The following MUC6 variants were observed in gnomAD, a reference collection of about 807,000 sequenced individuals.
MUC6 encodes mucin-6.
A neutral mutation model predicts 201.5 loss-of-function variants in MUC6; 188 were observed. That is an observed-to-expected ratio of 0.93 (90% CI 0.83 to 1.05). MUC6 has a LOEUF of 1.05. MUC6 is among the 50% of genes least tolerant of loss of function. MUC6 has a pLI of 0.00. For missense variants in MUC6, 2,706 were observed against 3,256.9 expected, an observed-to-expected ratio of 0.83 and a Z score of 4.12; for synonymous variants, 1,228 against 1,389.4, an observed-to-expected ratio of 0.88 and a Z score of 2.58.
rs569718431 is a variant in MUC6 at position 1,036,290 on chromosome 11, T to C, written c.52+314A>G. On this transcript the variant is annotated intron_variant, in intron 1 of 32. Coordinates refer to ENST00000421673, the MANE Select transcript of MUC6 (RefSeq NM_005961.3). ...GCTGGGCACCAGCACACCTGCCCAC[T>C]GTTCCCGCGGGAGTGCCGGACCCCA... is the stretch of plus-strand genomic sequence containing the variant. 7.2e-5 allele frequency among the ~76,000 whole-genome samples: 11 copies of C among 152,270 alleles called. No individual in the cohort carries two copies. The South Asian group carries it at 2.1e-3, about 29-fold the overall frequency.
rs544746862 is a variant in MUC6 at position 1,027,970 on chromosome 11, A to G, written c.1843T>C (p.Tyr615His). The G allele has an allele frequency of 3.6e-5, 57 of 1,574,452 alleles. No homozygotes were observed. Among genetic ancestry groups the G allele is most frequent in the African/African-American group, 1.5e-4 (11 of 73,964 alleles). ...CHATVNPAPF[Y>H]KRCVYQACNY... is the part of the protein sequence containing the mutation. ...AGACGCCCTCGGGCCCTCACCTTGT[A>G]GAAGGGTGCAGGGTTCACTGTGGCG... Residue 615 changes from tyrosine to histidine, a missense_variant, in exon 15 of 33, where the codon TAC becomes CAC. By Grantham distance (83) the Tyr-to-His change is moderately conservative. Transcript: ENST00000421673.
At chr11:1,028,181 G>A in intron 14 of MUC6, 45 bp downstream of exon 14, 1 of 1,541,298 alleles carries the variant, frequency 6.5e-7, no homozygotes, top group Non-Finnish European at 8.8e-7. Context: ...TCAGAACTGT[G>A]GGCGCTGGGG....
Position 1,021,249 on chromosome 11 carries a change from G to T in MUC6, c.3555C>A (p.Tyr1185Ter). 1.3e-6 allele frequency: 2 copies of T among 1,589,858 alleles called. 1 individual carries two copies. Among genetic ancestry groups the T allele is most frequent in the South Asian group, 2.3e-5 (2 of 87,574 alleles). ...CGCACACCCCCTCCTCGTGGTCGAA[G>T]TACTCATCCTGGGAGCAGTTGTAGC... ...EGCYNCSQDE[Y>*]FDHEEGVCVP... The change falls in exon 27 of 33, where the codon TAC (tyrosine) becomes TAA (stop). Residue 1185 changes from tyrosine (Y) to a stop codon, truncating the protein, a stop_gained. Coordinates refer to ENST00000421673, the MANE Select transcript of MUC6 (RefSeq NM_005961.3). LOFTEE classifies it high-confidence loss of function.
intron 26 of MUC6, 73 bp from the exon 27 acceptor site, chr11:1,021,350 C>A: frequency 1.3e-6 from 1 of 743,098 alleles, no homozygotes; most frequent in Non-Finnish European, 2.0e-6. Flanking sequence ...CCTGCCCTGG[C>A]GGCCTCCTTC....
In MUC6 at chr11:1,027,036, G is replaced by A. The variant is rs1257650310; in HGVS notation, c.2299C>T (p.Pro767Ser). The change falls in exon 19 of 33, where the codon CCT becomes TCT. Residue 767 changes from proline to serine, a missense_variant. Physicochemically the swap from Pro to Ser is moderately conservative, Grantham distance 74. This residue lies in a region of MUC6 where 1,850 missense variants were observed against 1,958.3 expected (regional missense o/e 0.94). Transcript: ENST00000421673. ...TGGCTGCAGGACTTGAAGGTCTTAGGGGCCTGGCAGGAGGCTGCAGGAAAG... is the reference window on the plus strand; with the variant it reads ...TGGCTGCAGGACTTGAAGGTCTTAGAGGCCTGGCAGGAGGCTGCAGGAAAG... ...PQMFLASCQA[P>S]KTFKSCSQSS... 1 of 1,602,874 alleles carries A rather than the reference G, an allele frequency of 6.2e-7. No individual in the cohort carries two copies. The highest frequency in any genetic ancestry group is 8.5e-7 in the Non-Finnish European group (1 of 1,175,504).
In MUC6 at chr11:1,023,946, C is replaced by T. The variant is rs1307242198; in HGVS notation, c.3382+1G>A. On this transcript the variant is annotated splice_donor_variant, in intron 25 of 32. Transcript: ENST00000421673. LOFTEE classifies it high-confidence loss of function. Reference sequence around the variant, plus strand: ...AACCTGTGGGAGGGGTGGTCACTCACGGCAGAAGGCCGGGGTCCTCCAGTC... The same window carrying T: ...AACCTGTGGGAGGGGTGGTCACTCATGGCAGAAGGCCGGGGTCCTCCAGTC... 79 of 1,611,546 alleles carry T rather than the reference C, an allele frequency of 4.9e-5. No individual in the cohort carries two copies. Among genetic ancestry groups the T allele is most frequent in the Non-Finnish European group, 6.4e-5 (76 of 1,179,274 alleles).
At position 1,027,504 on chromosome 11, in the gene MUC6, C is replaced by T. The variant is rs200203394; in HGVS notation, c.1995G>A (p.Thr665=). The T allele has an allele frequency of 4.0e-5, 64 of 1,612,266 alleles. No homozygotes were observed. Among genetic ancestry groups the T allele is most frequent in the South Asian group, 1.5e-4 (14 of 91,046 alleles). ...SSVDNCTIPC[T]GNTTFSYNSQ... Reference sequence around the variant, plus strand: ...TGTTGTAGCTGAAGGTGGTGTTACCCGTGCAGGGGATGGCTGTGGGGGACC... The same window carrying T: ...TGTTGTAGCTGAAGGTGGTGTTACCTGTGCAGGGGATGGCTGTGGGGGACC... The change falls in exon 17 of 33, where the codon ACG becomes ACA. Residue 665 remains threonine (T), a synonymous_variant. Transcript: ENST00000421673.
Position 1,028,702 on chromosome 11 carries a change from C to T in MUC6, c.1535G>A (p.Arg512His), listed in dbSNP as rs748763819. 35 of 1,611,350 alleles carry T rather than the reference C, an allele frequency of 2.2e-5. No individual in the cohort carries two copies. The Middle Eastern group carries it at 6.6e-4, about 30-fold the overall frequency. The change falls in exon 13 of 33, where the codon CGC becomes CAC. Residue 512 changes from arginine (R) to histidine (H), a missense_variant. Coordinates refer to ENST00000421673, the MANE Select transcript of MUC6 (RefSeq NM_005961.3). Reference protein sequence around the residue: ...SFGLELVVQLRPIFQAYVTVG... With the variant: ...SFGLELVVQLHPIFQAYVTVG... Reference sequence around the variant, plus strand: ...AGTGACATAGGCCTGGAAGATGGGGCGCAGCTGGACCACGAGCTCCAGCCC... The same window carrying T: ...AGTGACATAGGCCTGGAAGATGGGGTGCAGCTGGACCACGAGCTCCAGCCC...
In MUC6 at chr11:1,018,647, G is replaced by T; in HGVS notation, c.4154C>A (p.Ala1385Asp). 6.2e-7 allele frequency: 1 copy of T among 1,613,524 alleles called. No individual in the cohort carries two copies. Among genetic ancestry groups the T allele is most frequent in the Non-Finnish European group, 8.5e-7 (1 of 1,179,698 alleles). ...PQPGQPTRPT[A>D]TETTQTRTTT... ...CGTTCTTGTTTGAGTGGTCTCTGTG[G>T]CTGTGGGCCTCGTGGGTTGTCCTGG... The change falls in exon 31 of 33, where the codon GCC (alanine) becomes GAC (aspartate). Residue 1385 changes from alanine (A) to aspartate (D), a missense_variant. By Grantham distance (126) the Ala-to-Asp change is moderately radical. Coordinates refer to ENST00000421673, the MANE Select transcript of MUC6 (RefSeq NM_005961.3).
Position 1,024,067 on chromosome 11 carries a change from C to T in MUC6, c.3262G>A (p.Asp1088Asn), listed in dbSNP as rs752942783. ...HLPYYEACVR[D>N]ACGCDSGGDC... Reference sequence around the variant, plus strand: ...CCGCCACTGTCACACCCACATGCGTCGCGCACGCAGGCCTCGTAGTAGGGC... The same window carrying T: ...CCGCCACTGTCACACCCACATGCGTTGCGCACGCAGGCCTCGTAGTAGGGC... The change falls in exon 25 of 33, where the codon GAC becomes AAC. Residue 1088 changes from aspartate (D) to asparagine (N), a missense_variant. Transcript: ENST00000421673. The T allele has an allele frequency of 9.3e-6, 15 of 1,612,976 alleles. No homozygotes were observed. The highest frequency in any genetic ancestry group is 4.5e-5 in the East Asian group (2 of 44,898).
intron 1 of MUC6, among the ~76,000 whole-genome samples, chr11:1,034,115 G>T (rs553916508): frequency 6.6e-6 from 1 of 152,348 alleles, no homozygotes; most frequent in Non-Finnish European, 1.5e-5. Flanking sequence ...CTGGGAGATG[G>T]TGTTAACCGC....
In MUC6 at chr11:1,013,465, A is replaced by T. The variant is rs1856524627; in HGVS notation, c.7311T>A (p.Cys2437Ter). The change falls in exon 33 of 33, where the codon TGT (cysteine) becomes TGA (stop). Residue 2437 changes from cysteine to a stop codon, truncating the protein, a stop_gained. Coordinates refer to ENST00000421673, the MANE Select transcript of MUC6 (RefSeq NM_005961.3). LOFTEE classifies it high-confidence loss of function. ...GCAGGCAGCGACCCTGCTAGTCTCC[A>T]CAGGCCACAGAGCTGCACACGCAGT... ...FSHCVCSSVACGD is the reference protein window; with the variant it reads ...FSHCVCSSVA The T allele has an allele frequency of 6.3e-7, 1 of 1,580,988 alleles. No homozygotes were observed. Among genetic ancestry groups the T allele is most frequent in the Admixed American group, 1.8e-5 (1 of 55,498 alleles).
At chr11:1,027,221 C>T (rs10902271) in intron 17 of MUC6, 28 bp from the exon 18 acceptor site, 272,751 of 1,612,088 alleles carry the variant, frequency 0.17, 25,255 homozygotes, top group Non-Finnish European at 0.19. Context: ...CGTGAGACCC[C>T]GGGACCTGGC....
Position 1,018,697 on chromosome 11 carries a change from G to A in MUC6, c.4104C>T (p.Ser1368=), listed in dbSNP as rs1856741106. The change falls in exon 31 of 33, where the codon AGC becomes AGT. Residue 1368 remains serine, a synonymous_variant. Transcript: ENST00000421673. ...GCTGTGGGGTGGTTGGGCCTGTGGTGCTTGCTGGGGTTGGACGTGGGCCTG... is the reference window on the plus strand; with the variant it reads ...GCTGTGGGGTGGTTGGGCCTGTGGTACTTGCTGGGGTTGGACGTGGGCCTG... The part of the protein sequence containing the change: ...QTTGPRPTPA[S]TTGPTTPQPG... 1 of 1,608,476 alleles carries A rather than the reference G, an allele frequency of 6.2e-7. No individual in the cohort carries two copies. Among genetic ancestry groups the A allele is most frequent in the Non-Finnish European group, 8.5e-7 (1 of 1,177,760 alleles).
rs202055257 is a variant in MUC6 at position 1,013,601 on chromosome 11, C to T, written c.7175G>A (p.Arg2392His). The T allele has an allele frequency of 1.4e-3, 2,138 of 1,566,078 alleles. 2 individuals are homozygous for T. The highest frequency in any genetic ancestry group is 1.7e-3 in the Non-Finnish European group (1,993 of 1,156,976). Reference sequence around the variant, plus strand: ...GTGGAGGGGGCGGCAGCAGCTGCAGCGGGCATCCACCTGCTGGGTGATGAT... The same window carrying T: ...GTGGAGGGGGCGGCAGCAGCTGCAGTGGGCATCCACCTGCTGGGTGATGAT... ...FNIITQQVDARCSCCRPLHSY... is the reference protein window; with the variant it reads ...FNIITQQVDAHCSCCRPLHSY... Residue 2392 changes from arginine to histidine, a missense_variant, in exon 33 of 33, where the codon CGC becomes CAC. This residue lies in a region of MUC6 where 586 missense variants were observed against 488.0 expected (regional missense o/e 1.20). Transcript: ENST00000421673.
rs1022684975 is a variant in MUC6, at chr11:1,026,963, A to T, written c.2372T>A (p.Met791Lys). 12 of 1,594,934 alleles carry T rather than the reference A, an allele frequency of 7.5e-6. No individual in the cohort carries two copies. The highest frequency in any genetic ancestry group is 8.5e-6 in the Non-Finnish European group (10 of 1,171,716). The change falls in exon 19 of 33, where the codon ATG (methionine) becomes AAG (lysine). Residue 791 changes from methionine (M) to lysine (K), a missense_variant. Physicochemically the swap from Met to Lys is moderately conservative, Grantham distance 95. This residue lies in a region of MUC6 where 1,850 missense variants were observed against 1,958.3 expected (regional missense o/e 0.94). Coordinates refer to ENST00000421673, the MANE Select transcript of MUC6 (RefSeq NM_005961.3). ...TACGCAGGCAACACCGGTGGCCAGC[A>T]TCTGGCATGTGGGGGCACAGGCTGC... is the stretch of plus-strand genomic sequence containing the variant. ...FGAACAPTCQ[M>K]LATGVACVPT...
Position 1,024,026 on chromosome 11 carries a change from C to T in MUC6, c.3303G>A (p.Leu1101=), listed in dbSNP as rs1226975601. 6.2e-7 allele frequency: 1 copy of T among 1,611,636 alleles called. No homozygotes were observed. The highest frequency in any genetic ancestry group is 8.5e-7 in the Non-Finnish European group (1 of 1,179,474). ...GCDSGGDCEC[L]CDAVAAYAQA... Reference sequence around the variant, plus strand: ...GGGCGTAGGCAGCCACGGCATCGCACAGACACTCACAGTCCCCGCCACTGT... The same window carrying T: ...GGGCGTAGGCAGCCACGGCATCGCATAGACACTCACAGTCCCCGCCACTGT... Residue 1101 remains leucine, a synonymous_variant, in exon 25 of 33, where the codon CTG becomes CTA. Coordinates refer to ENST00000421673, the MANE Select transcript of MUC6 (RefSeq NM_005961.3).
At position 1,031,073 on chromosome 11, in the gene MUC6, G is replaced by T. The variant is rs1271082792; in HGVS notation, c.575-17C>A. 1.9e-6 allele frequency: 3 copies of T among 1,551,396 alleles called. No individual in the cohort carries two copies. Among genetic ancestry groups the T allele is most frequent in the South Asian group, 2.4e-5 (2 of 83,942 alleles). ...GGAACTTGCCTGGGGTGCAGAATGGGGGTCAGCACCGTGGGGGCTGGGCCT... is the reference window on the plus strand; with the variant it reads ...GGAACTTGCCTGGGGTGCAGAATGGTGGTCAGCACCGTGGGGGCTGGGCCT... On this transcript the variant is annotated splice_polypyrimidine_tract_variant and intron_variant, in intron 5 of 32. Coordinates refer to ENST00000421673, the MANE Select transcript of MUC6 (RefSeq NM_005961.3).
In MUC6 at chr11:1,013,938, G is replaced by A. The variant is rs773303796; in HGVS notation, c.7103C>T (p.Thr2368Met). The change falls in exon 32 of 33, where the codon ACG becomes ATG. Residue 2368 changes from threonine (T) to methionine (M), a missense_variant. Coordinates refer to ENST00000421673, the MANE Select transcript of MUC6 (RefSeq NM_005961.3). The stretch of plus-strand genomic sequence containing the variant: ...GCAGGCGCCCTCACAGCGGGTTACC[G>A]TCACGTTCGCCATGCACCCCTTGAA... ...ITFKGCMANVTVTRCEGACIS... is the reference protein window; with the variant it reads ...ITFKGCMANVMVTRCEGACIS... 98 of 1,608,420 alleles carry A rather than the reference G, an allele frequency of 6.1e-5. No homozygotes were observed. In the South Asian group the frequency reaches 6.3e-4, roughly 10 times the overall value.
Sources: gnomAD v4.1 joint callset for allele counts (sites outside exome capture counted in the v4.1 genomes callset) on GRCh38, gnomAD v4.1.1 for gene constraint, gnomAD v4.1.1 regional missense constraint, MANE v1.5 for transcripts, NCBI Gene and HGNC (gene_info 2026-07-23, HGNC 2026-07-21) for gene names.